Variants in RNF115 observed in about 807,000 individuals in gnomAD.
The protein encoded by RNF115 is ring finger protein 115, also known as E3 ubiquitin-protein ligase RNF115.
Under a neutral mutation model 39.2 loss-of-function variants are expected in RNF115, and 31 were observed. The observed-to-expected ratio is 0.79, with a 90% CI of 0.59 to 1.07. RNF115 has a LOEUF of 1.07. RNF115 is among the 50% of genes least tolerant of loss of function. The probability of loss-of-function intolerance (pLI) is 0.00; values close to 1 mark genes in which losing one functional copy is unlikely to be tolerated. For missense variants in RNF115, 384 were observed against 381.7 expected (o/e 1.01, Z -0.05); for synonymous variants, 124 against 131.0 (o/e 0.95, Z 0.37).
At chr1:145,803,608 G>A (rs1649343462) in intron 1 of RNF115, among the ~76,000 whole-genome samples, 1 of 152,158 alleles carries the variant, frequency 6.6e-6, no homozygotes, top group African/African-American at 2.4e-5. Context: ...GGCTGGTGTT[G>A]AACTCCTGAC....
intron 4 of RNF115, among the ~76,000 whole-genome samples, chr1:145,764,406 G>C (rs587721889): frequency 7.3e-6 from 1 of 137,894 alleles, no homozygotes; most frequent in Non-Finnish European, 1.6e-5. Context: ...CGTCTCTGCC[G>C]GCCGCCCATC....
At chr1:145,769,532 TG>T (rs1218662517) in intron 4 of RNF115, among the ~76,000 whole-genome samples, 28 of 152,144 alleles carry the variant, frequency 1.8e-4, no homozygotes, top group African/African-American at 6.0e-4. Flanking sequence ...CAGAAGTAAC[TG>T]AAAAGACTGT....
At chr1:145,774,611 A>G (rs1647795289) in intron 3 of RNF115, among the ~76,000 whole-genome samples, 1 of 152,108 alleles carries the variant, frequency 6.6e-6, no homozygotes, top group Non-Finnish European at 1.5e-5. Context: ...TCGGCCTCCC[A>G]AAGTGCTGGG....
Position 145,744,743 on chromosome 1 carries a change from G to C in RNF115, c.*2123C>G, listed in dbSNP as rs1394576603. 1.3e-5 allele frequency: 2 copies of C among 152,188 alleles called. No homozygotes were observed. Among genetic ancestry groups the C allele is most frequent in the Non-Finnish European group, 1.5e-5 (1 of 68,026 alleles). The allele number at this position is 152,188 out of a possible 1,614,324, so 9.4% of individuals were successfully genotyped here. A position where few individuals can be genotyped will look rare whatever the true frequency, so the allele number is the denominator to read the frequency against. On this transcript the variant is annotated 3_prime_UTR_variant, in exon 9 of 9. Transcript: ENST00000582693. Reference sequence around the variant, plus strand: ...AACTGATCATTCTGATCATTGTTGTGTGACAATACAAATGGTGCCCCTCTG... The same window carrying C: ...AACTGATCATTCTGATCATTGTTGTCTGACAATACAAATGGTGCCCCTCTG...
At chr1:145,797,194 G>A (rs2101584662) in intron 1 of RNF115, among the ~76,000 whole-genome samples, 1 of 152,216 alleles carries the variant, frequency 6.6e-6, no homozygotes, top group South Asian at 2.1e-4. Flanking sequence ...TGTAGTTACA[G>A]TTCTTCCCTG....
rs1289706970 is a variant in RNF115 at position 145,823,853 on chromosome 1, G to A, written c.21C>T (p.Ala7=). MAEASA[A]GADSGAAVAA... The stretch of plus-strand genomic sequence containing the variant: ...CTACAGCGGCGCCCGAGTCCGCCCC[G>A]GCCGCCGAAGCCTCCGCCATTTTTG... Residue 7 remains alanine, a synonymous_variant, in exon 1 of 9, where the codon GCC becomes GCT. Coordinates refer to ENST00000582693, the MANE Select transcript of RNF115 (RefSeq NM_014455.4). 6.4e-7 allele frequency: 1 copy of A among 1,560,072 alleles called. No homozygotes were observed. Among genetic ancestry groups the A allele is most frequent in the Admixed American group, 1.9e-5 (1 of 53,504 alleles).
rs371235218 is a variant in RNF115 at position 145,817,791 on chromosome 1, T to C, written c.102+5981A>G. On this transcript the variant is annotated intron_variant, in intron 1 of 8. Transcript: ENST00000582693. ...TCAAGTAAGCCCTCGTGTCCATGTTTATGCCCATGTGTACTCAATGTTTAG... is the reference window on the plus strand; with the variant it reads ...TCAAGTAAGCCCTCGTGTCCATGTTCATGCCCATGTGTACTCAATGTTTAG... Among the ~76,000 whole-genome samples, 6 of 117,248 alleles carry C rather than the reference T, an allele frequency of 5.1e-5. No homozygotes were observed. The South Asian group carries it at 9.7e-4, about 19-fold the overall frequency. 76.9% of individuals were successfully genotyped at this position (117,248 alleles called of 152,430 possible). A position where few individuals can be genotyped will look rare whatever the true frequency, so the allele number is the denominator to read the frequency against.
At position 145,748,073 on chromosome 1, in the gene RNF115, G is replaced by A; in HGVS notation, c.705C>T (p.Tyr235=). 12 of 1,613,558 alleles carry A rather than the reference G, an allele frequency of 7.4e-6. No individual in the cohort carries two copies. Among genetic ancestry groups the A allele is most frequent in the Non-Finnish European group, 1.0e-5 (12 of 1,179,552 alleles). Residue 235 remains tyrosine, a synonymous_variant, in exon 8 of 9, where the codon TAC becomes TAT. Transcript: ENST00000582693. ...GLECPVCKED[Y]TVEEEVRQLP... ...ACTGCCGGACTTCCTCTTCAACTGT[G>A]TAATCTTCTTTGCATACTGGACACT... is the stretch of plus-strand genomic sequence containing the variant.
At chr1:145,758,934 G>T (rs998380188) in intron 4 of RNF115, among the ~76,000 whole-genome samples, 1 of 152,136 alleles carries the variant, frequency 6.6e-6, no homozygotes, top group Admixed American at 6.5e-5. Flanking sequence ...TAAATGTCTG[G>T]GGAAGATGTG....
At chr1:145,787,852 G>T (rs1215024754) in intron 2 of RNF115, among the ~76,000 whole-genome samples, 3 of 151,268 alleles carry the variant, frequency 2.0e-5, no homozygotes, top group Non-Finnish European at 4.4e-5. Flanking sequence ...TCGAACCACT[G>T]CACTCCAATC....
At chr1:145,775,514 A>G (rs587663103) in intron 3 of RNF115, among the ~76,000 whole-genome samples, 3 of 151,140 alleles carry the variant, frequency 2.0e-5, no homozygotes, top group Admixed American at 2.0e-4. Context: ...TCCCACCTCA[A>G]TCTCCCAAGT....
At chr1:145,789,642 C>A (rs2101570436) in intron 1 of RNF115, among the ~76,000 whole-genome samples, 1 of 151,554 alleles carries the variant, frequency 6.6e-6, no homozygotes, top group South Asian at 2.1e-4. Context: ...AGCTGAACTA[C>A]CTGCCTCAGC....
rs587734184 is a variant in RNF115, at chr1:145,746,595, C to T, written c.*271G>A. 8.8e-6 allele frequency: 3 copies of T among 338,996 alleles called. No individual in the cohort carries two copies. The highest frequency in any genetic ancestry group is 2.1e-5 in the African/African-American group (1 of 47,308). 21.0% of individuals were successfully genotyped at this position (338,996 alleles called of 1,614,324 possible). A position where few individuals can be genotyped will look rare whatever the true frequency, so the allele number is the denominator to read the frequency against. On this transcript the variant is annotated 3_prime_UTR_variant, in exon 9 of 9. Transcript: ENST00000582693. ...CTAACTAGACTTTAAGGAATTAATT[C>T]TATTCAGACGGGGGGAGCCCTACAT...
chr1:145,798,194 G>A (rs1014536776), intron 1 of RNF115, among the ~76,000 whole-genome samples: 2 of 152,150 alleles, frequency 1.3e-5, no homozygotes, highest in African/African-American at 4.8e-5. Context: ...TGCTTATGGT[G>A]TCATATGCCA....
At position 145,784,567 on chromosome 1, in the gene RNF115, T is replaced by C. The variant is rs1459304976; in HGVS notation, c.191A>G (p.Asp64Gly). The change falls in exon 3 of 9, where the codon GAC becomes GGC. Residue 64 changes from aspartate to glycine, a missense_variant. Physicochemically the swap from Asp to Gly is moderately conservative, Grantham distance 94. Coordinates refer to ENST00000582693, the MANE Select transcript of RNF115 (RefSeq NM_014455.4). ...SFLGGGGSRIDNTTTTHFAEL... is the reference protein window; with the variant it reads ...SFLGGGGSRIGNTTTTHFAEL... Reference sequence around the variant, plus strand: ...TGCAAAATGTGTTGTTGTGGTATTGTCTATCCGACTGCCGCCACCACCTAA... The same window carrying C: ...TGCAAAATGTGTTGTTGTGGTATTGCCTATCCGACTGCCGCCACCACCTAA... 4 of 1,613,874 alleles carry C rather than the reference T, an allele frequency of 2.5e-6. No homozygotes were observed. The highest frequency in any genetic ancestry group is 3.4e-6 in the Non-Finnish European group (4 of 1,179,912).
chr1:145,791,032 C>T (rs992805555), intron 1 of RNF115, among the ~76,000 whole-genome samples: 10 of 151,648 alleles, frequency 6.6e-5, no homozygotes. Flanking sequence ...GTCCCAGTTA[C>T]TTGGGAGGCT....
intron 2 of RNF115, among the ~76,000 whole-genome samples, chr1:145,787,615 G>A (rs1168702405): frequency 5.4e-5 from 8 of 148,370 alleles, no homozygotes; most frequent in South Asian, 2.1e-4. Context: ...GGTTGGGCAC[G>A]GTGGCTCATG....
chr1:145,754,667 C>T (rs782371670), intron 4 of RNF115, among the ~76,000 whole-genome samples: 2 of 152,254 alleles, frequency 1.3e-5, no homozygotes, highest in Non-Finnish European at 2.9e-5. Flanking sequence ...CTGTCACCCA[C>T]GTTGTACAAC....
intron 8 of RNF115, 57 bp from the exon 9 acceptor site, chr1:145,747,054 T>C (rs1657903992): frequency 2.0e-6 from 3 of 1,534,538 alleles, no homozygotes; most frequent in African/African-American, 1.4e-5. Flanking sequence ...GCTGGGAGTA[T>C]TGTACACTTA....
Sources: gnomAD v4.1 joint callset for allele counts (sites outside exome capture counted in the v4.1 genomes callset) on GRCh38, gnomAD v4.1.1 for gene constraint, MANE v1.5 for transcripts, NCBI Gene and HGNC (gene_info 2026-07-23, HGNC 2026-07-21) for gene names.